Variants in KCTD12 observed in about 807,000 individuals in gnomAD.
The protein encoded by KCTD12 is potassium channel tetramerization domain containing 12, also known as BTB/POZ domain-containing protein KCTD12.
In KCTD12, 16 loss-of-function variants were observed where a neutral mutation model predicts 22.6. That is an observed-to-expected ratio of 0.71 (90% CI 0.48 to 1.07). The LOEUF (loss-of-function observed/expected upper bound fraction) is 1.07. Ranked by LOEUF, KCTD12 falls within the 50% of genes least tolerant of loss-of-function variation. KCTD12 has a pLI of 0.00. For missense variants in KCTD12, 452 were observed against 469.2 expected (o/e 0.96, Z 0.34); for synonymous variants, 260 against 228.0 (o/e 1.14, Z -1.26).
At position 76,884,935 on chromosome 13, in the gene KCTD12, T is replaced by C. The variant is rs181315156; in HGVS notation, c.*236A>G. ...GTGGTAGGTGGGGGTGGGGTGGGGG[T>C]TCCTCTGGGTTCTCTCGGTTCAGGA... is the stretch of plus-strand genomic sequence containing the variant. On this transcript the variant is annotated 3_prime_UTR_variant, in exon 1 of 1. Coordinates refer to ENST00000377474, the MANE Select transcript of KCTD12 (RefSeq NM_138444.4). 2 of 492,694 alleles carry C rather than the reference T, an allele frequency of 4.1e-6. No individual in the cohort carries two copies. Among genetic ancestry groups the C allele is most frequent in the East Asian group, 6.8e-5 (2 of 29,598 alleles). 30.5% of individuals were successfully genotyped at this position (492,694 alleles called of 1,614,324 possible).
In KCTD12 at chr13:76,885,231, G is replaced by A. The variant is rs1416790194; in HGVS notation, c.918C>T (p.Thr306=). ...STGTCAFASS[T]DQSEDKIWTS... is the part of the protein sequence containing the mutation. ...TCCAGATCTTGTCCTCGCTCTGGTC[G>A]GTGCTGCTGGCAAAGGCGCAGGTGC... Residue 306 remains threonine (T), a synonymous_variant, in exon 1 of 1, where the codon ACC becomes ACT. Transcript: ENST00000377474. The surrounding 1 kb of genome is among the most constrained non-coding windows in gnomAD (Gnocchi z 5.1). 1.9e-6 allele frequency: 3 copies of A among 1,614,058 alleles called. No homozygotes were observed. The highest frequency in any genetic ancestry group is 1.1e-5 in the South Asian group (1 of 91,062).
chr13:76,886,338 C>T lies in KCTD12; in HGVS notation c.-190G>A, dbSNP rs934709657. 5.6e-6 allele frequency: 3 copies of T among 536,758 alleles called. No individual in the cohort carries two copies. Among genetic ancestry groups the T allele is most frequent in the African/African-American group, 4.0e-5 (2 of 49,492 alleles). 33.2% of individuals were successfully genotyped at this position (536,758 alleles called of 1,614,324 possible). On this transcript the variant is annotated 5_prime_UTR_variant, in exon 1 of 1. Transcript: ENST00000377474. ...GCCGCGCGGAGCCGAGCGGTGCGAG[C>T]GCGCCGCTGTGCGCCCCCTTGAGTT...
chr13:76,885,270 C>A lies in KCTD12; in HGVS notation c.879G>T (p.Ala293=). The A allele has an allele frequency of 1.2e-6, 2 of 1,614,044 alleles. No individual in the cohort carries two copies. Among genetic ancestry groups the A allele is most frequent in the African/African-American group, 1.3e-5 (1 of 75,034 alleles). Residue 293 remains alanine, a synonymous_variant, in exon 1 of 1, where the codon GCG becomes GCT. Coordinates refer to ENST00000377474, the MANE Select transcript of KCTD12 (RefSeq NM_138444.4). The surrounding 1 kb of genome is among the most constrained non-coding windows in gnomAD (Gnocchi z 5.1). ...KLSESGFHMV[A]CSSTGTCAFA... is the part of the protein sequence containing the mutation. The stretch of plus-strand genomic sequence containing the variant: ...AGGCGCAGGTGCCCGTGGAGCTGCA[C>A]GCCACCATGTGGAAGCCCGACTCGG...
chr13:76,885,457 C>T lies in KCTD12; in HGVS notation c.692G>A (p.Arg231Gln). The T allele has an allele frequency of 6.2e-7, 1 of 1,610,572 alleles. No individual in the cohort carries two copies. Among genetic ancestry groups the T allele is most frequent in the Non-Finnish European group, 8.5e-7 (1 of 1,179,824 alleles). ...GCAAACGGTGATGCGCGCCACTCGC[C>T]GGAACTTGGCGTCCGCCTGCGCGTC... is the stretch of plus-strand genomic sequence containing the variant. ...GRDAQADAKF[R>Q]RVARITVCGK... Residue 231 changes from arginine (R) to glutamine (Q), a missense_variant, in exon 1 of 1, where the codon CGG becomes CAG. By Grantham distance (43) the Arg-to-Gln change is conservative. Coordinates refer to ENST00000377474, the MANE Select transcript of KCTD12 (RefSeq NM_138444.4). The surrounding 1 kb of genome is among the most constrained non-coding windows in gnomAD (Gnocchi z 5.1).
At position 76,886,258 on chromosome 13, in the gene KCTD12, CCCGCCG is replaced by C. The variant is rs879633611; in HGVS notation, c.-116_-111del. ...CCCGGACGCTCGCTCAGCCCTGCGCCCCGCCGCCGCCGCCGCCGCCACCGCCGCCAC... is the reference window on the plus strand; with the variant it reads ...CCCGGACGCTCGCTCAGCCCTGCGCCCCGCCGCCGCCGCCACCGCCGCCAC... On this transcript the variant is annotated 5_prime_UTR_variant, in exon 1 of 1. Coordinates refer to ENST00000377474, the MANE Select transcript of KCTD12 (RefSeq NM_138444.4). 0.017 allele frequency: 20,332 copies of C among 1,215,656 alleles called. 390 individuals carry two copies. The highest frequency in any genetic ancestry group is 0.085 in the African/African-American group (5,023 of 59,442). The allele number at this position is 1,215,656 out of a possible 1,614,324, so 75.3% of individuals were successfully genotyped here. A position where few individuals can be genotyped will look rare whatever the true frequency, so the allele number is the denominator to read the frequency against.
rs1305757122 is a variant in KCTD12 at position 76,881,154 on chromosome 13, A to C, written c.*4017T>G. The C allele has an allele frequency of 6.6e-6, 1 of 152,208 alleles. No homozygotes were observed. The highest frequency in any genetic ancestry group is 1.9e-4 in the East Asian group (1 of 5,194). 9.4% of individuals were successfully genotyped at this position (152,208 alleles called of 1,614,324 possible). A position where few individuals can be genotyped will look rare whatever the true frequency, so the allele number is the denominator to read the frequency against. On this transcript the variant is annotated 3_prime_UTR_variant, in exon 1 of 1. Coordinates refer to ENST00000377474, the MANE Select transcript of KCTD12 (RefSeq NM_138444.4). ...ATCTAAGAAAATGAATTCAGTTTTT[A>C]AATGATTTATAGTAAGGAAAAACAG... is the stretch of plus-strand genomic sequence containing the variant.
chr13:76,881,001 AAAACTGTTGAC>A lies in KCTD12; in HGVS notation c.*4159_*4169del, dbSNP rs779620967. 1.8e-4 allele frequency: 27 copies of A among 152,172 alleles called. No homozygotes were observed. The highest frequency in any genetic ancestry group is 2.9e-4 in the Non-Finnish European group (20 of 68,008). 9.4% of individuals were successfully genotyped at this position (152,172 alleles called of 1,614,324 possible). Reference sequence around the variant, plus strand: ...TAATACTTTCAGATTTTTATTGTCCAAAACTGTTGACAAAGAAAAGCTAACTTCAACATAAC... The same window carrying A: ...TAATACTTTCAGATTTTTATTGTCCAAAAGAAAAGCTAACTTCAACATAAC... On this transcript the variant is annotated 3_prime_UTR_variant, in exon 1 of 1. Coordinates refer to ENST00000377474, the MANE Select transcript of KCTD12 (RefSeq NM_138444.4).
chr13:76,885,486 C>T lies in KCTD12; in HGVS notation c.663G>A (p.Gly221=), dbSNP rs375243364. The part of the protein sequence containing the change: ...TIGYRGSYTI[G]RDAQADAKFR... ...ACTTGGCGTCCGCCTGCGCGTCCCG[C>T]CCGATGGTGTAGGAGCCGCGGTAGC... Residue 221 remains glycine (G), a synonymous_variant, in exon 1 of 1, where the codon GGG becomes GGA. Transcript: ENST00000377474. The surrounding 1 kb of genome is among the most constrained non-coding windows in gnomAD (Gnocchi z 5.1). The T allele has an allele frequency of 3.9e-5, 63 of 1,607,122 alleles. No individual in the cohort carries two copies. The highest frequency in any genetic ancestry group is 4.9e-5 in the Non-Finnish European group (58 of 1,178,998).
At position 76,884,033 on chromosome 13, in the gene KCTD12, T is replaced by C. The variant is rs1175134135; in HGVS notation, c.*1138A>G. The C allele has an allele frequency of 6.6e-6, 1 of 152,648 alleles. No individual in the cohort carries two copies. The highest frequency in any genetic ancestry group is 1.5e-5 in the Non-Finnish European group (1 of 68,048). 9.5% of individuals were successfully genotyped at this position (152,648 alleles called of 1,614,324 possible). Reference sequence around the variant, plus strand: ...ATTAATCTTTATAAAATACTTGGCATGTTTGCATTTACTATATGATATTTT... The same window carrying C: ...ATTAATCTTTATAAAATACTTGGCACGTTTGCATTTACTATATGATATTTT... On this transcript the variant is annotated 3_prime_UTR_variant, in exon 1 of 1. Transcript: ENST00000377474.
rs2033199123 is a variant in KCTD12 at position 76,881,218 on chromosome 13, T to C, written c.*3953A>G. 1 of 152,172 alleles carries C rather than the reference T, an allele frequency of 6.6e-6. No homozygotes were observed. Among genetic ancestry groups the C allele is most frequent in the African/African-American group, 2.4e-5 (1 of 41,458 alleles). 9.4% of individuals were successfully genotyped at this position (152,172 alleles called of 1,614,324 possible). A position where few individuals can be genotyped will look rare whatever the true frequency, so the allele number is the denominator to read the frequency against. ...AACGAAGGATTGACTCTGATAGGCT[T>C]ACAACAAAAATATTCAGTTTACTAT... is the stretch of plus-strand genomic sequence containing the variant. On this transcript the variant is annotated 3_prime_UTR_variant, in exon 1 of 1. Coordinates refer to ENST00000377474, the MANE Select transcript of KCTD12 (RefSeq NM_138444.4).
Position 76,885,808 on chromosome 13 carries a change from TGCAGCCGGCTGC to T in KCTD12, c.329_340del (p.Arg110_Leu113del). On this transcript the variant is annotated inframe_deletion, in exon 1 of 1. Transcript: ENST00000377474. The surrounding 1 kb of genome is among the most constrained non-coding windows in gnomAD (Gnocchi z 5.1). ...CAGCTCGAAGTACTCGGCCTCGCGC[TGCAGCCGGCTGC>T]GCTCGGGGAAGTAGTCGGGCAGCAC... 6.3e-7 allele frequency: 1 copy of T among 1,593,346 alleles called. No homozygotes were observed. The highest frequency in any genetic ancestry group is 8.5e-7 in the Non-Finnish European group (1 of 1,178,008).
Position 76,884,953 on chromosome 13 carries a change from G to C in KCTD12, c.*218C>G. On this transcript the variant is annotated 3_prime_UTR_variant, in exon 1 of 1. Transcript: ENST00000377474. ...GTGGGGGTTCCTCTGGGTTCTCTCGGTTCAGGAGGTCCAAAGAAGACGAAG... is the reference window on the plus strand; with the variant it reads ...GTGGGGGTTCCTCTGGGTTCTCTCGCTTCAGGAGGTCCAAAGAAGACGAAG... The C allele has an allele frequency of 3.5e-6, 2 of 566,510 alleles. No homozygotes were observed. The highest frequency in any genetic ancestry group is 4.5e-5 in the South Asian group (2 of 44,378). 35.1% of individuals were successfully genotyped at this position (566,510 alleles called of 1,614,324 possible).
chr13:76,882,616 C>G lies in KCTD12; in HGVS notation c.*2555G>C, dbSNP rs2033216293. ...CCAAGATGTTCTCAATCATGTGCTT[C>G]CTGTTGAACAATCTAACAAAATACC... On this transcript the variant is annotated 3_prime_UTR_variant, in exon 1 of 1. Coordinates refer to ENST00000377474, the MANE Select transcript of KCTD12 (RefSeq NM_138444.4). 6.6e-6 allele frequency: 1 copy of G among 152,188 alleles called. No homozygotes were observed. Among genetic ancestry groups the G allele is most frequent in the Admixed American group, 6.5e-5 (1 of 15,288 alleles). The allele number at this position is 152,188 out of a possible 1,614,324, so 9.4% of individuals were successfully genotyped here.
Position 76,885,731 on chromosome 13 carries a change from G to A in KCTD12, c.418C>T (p.Pro140Ser). ...TTGTGCACCCCGCGCCGCGAGGGCG[G>A]CGGCCCCGGGCCGGGCTGCTGGGGC... is the stretch of plus-strand genomic sequence containing the variant. Reference protein sequence around the residue: ...GAPQQPGPGPPPSRRGVHKEG... With the variant: ...GAPQQPGPGPSPSRRGVHKEG... The change falls in exon 1 of 1, where the codon CCG becomes TCG. Residue 140 changes from proline to serine, a missense_variant. By Grantham distance (74) the Pro-to-Ser change is moderately conservative. Transcript: ENST00000377474. The surrounding 1 kb of genome is among the most constrained non-coding windows in gnomAD (Gnocchi z 5.1). 7.1e-7 allele frequency: 1 copy of A among 1,408,482 alleles called. No homozygotes were observed. Among genetic ancestry groups the A allele is most frequent in the Non-Finnish European group, 9.1e-7 (1 of 1,095,390 alleles). The allele number at this position is 1,408,482 out of a possible 1,614,324, so 87.2% of individuals were successfully genotyped here. A position where few individuals can be genotyped will look rare whatever the true frequency, so the allele number is the denominator to read the frequency against.
Position 76,880,570 on chromosome 13 carries a change from G to A in KCTD12, c.*4601C>T, listed in dbSNP as rs1034098488. On this transcript the variant is annotated 3_prime_UTR_variant, in exon 1 of 1. Coordinates refer to ENST00000377474, the MANE Select transcript of KCTD12 (RefSeq NM_138444.4). ...GAATCTTACATTGTCTAGCAGATAA[G>A]GTTTTCAGATGCCTGGAAAAATTTA... 3 of 152,466 alleles carry A rather than the reference G, an allele frequency of 2.0e-5. No homozygotes were observed. The highest frequency in any genetic ancestry group is 7.2e-5 in the African/African-American group (3 of 41,416). 9.4% of individuals were successfully genotyped at this position (152,466 alleles called of 1,614,324 possible).
At position 76,884,500 on chromosome 13, in the gene KCTD12, A is replaced by G. The variant is rs2033239097; in HGVS notation, c.*671T>C. ...CTGAGACCTTTTATTCTGTACGAGA[A>G]AGGATCCTTTACTGTCCCACGCACT... On this transcript the variant is annotated 3_prime_UTR_variant, in exon 1 of 1. Transcript: ENST00000377474. 6.6e-6 allele frequency: 1 copy of G among 152,196 alleles called. No homozygotes were observed. 9.4% of individuals were successfully genotyped at this position (152,196 alleles called of 1,614,324 possible). A position where few individuals can be genotyped will look rare whatever the true frequency, so the allele number is the denominator to read the frequency against.
rs2033207643 is a variant in KCTD12 at position 76,881,844 on chromosome 13, T to TGGTACCTGG, written c.*3326_*3327insCCAGGTACC. 3 of 151,974 alleles carry TGGTACCTGG rather than the reference T, an allele frequency of 2.0e-5. No homozygotes were observed. In the South Asian group the frequency reaches 6.2e-4, roughly 32 times the overall value. The allele number at this position is 151,974 out of a possible 1,614,324, so 9.4% of individuals were successfully genotyped here. The stretch of plus-strand genomic sequence containing the variant: ...CACAGAACCTGGTACCTGTTTTTTT[T>TGGTACCTGG]TTTTTTTTAACCACCATTGTCTACA... On this transcript the variant is annotated 3_prime_UTR_variant, in exon 1 of 1. Transcript: ENST00000377474.
At position 76,881,069 on chromosome 13, in the gene KCTD12, G is replaced by A. The variant is rs992684953; in HGVS notation, c.*4102C>T. 2 of 152,084 alleles carry A rather than the reference G, an allele frequency of 1.3e-5. No individual in the cohort carries two copies. Among genetic ancestry groups the A allele is most frequent in the Non-Finnish European group, 2.9e-5 (2 of 67,970 alleles). 9.4% of individuals were successfully genotyped at this position (152,084 alleles called of 1,614,324 possible). A position where few individuals can be genotyped will look rare whatever the true frequency, so the allele number is the denominator to read the frequency against. On this transcript the variant is annotated 3_prime_UTR_variant, in exon 1 of 1. Coordinates refer to ENST00000377474, the MANE Select transcript of KCTD12 (RefSeq NM_138444.4). ...CTGGCTATACAAAGACCTATTTCAG[G>A]TGCTACAGATACTGAAAATAGGAGT...
In KCTD12 at chr13:76,880,704, T is replaced by C. The variant is rs2033193675; in HGVS notation, c.*4467A>G. ...TGAGTGGTCATAAATGAATTGTCATTTGTATTCAATAGTAATAGCAAAATT... is the reference window on the plus strand; with the variant it reads ...TGAGTGGTCATAAATGAATTGTCATCTGTATTCAATAGTAATAGCAAAATT... On this transcript the variant is annotated 3_prime_UTR_variant, in exon 1 of 1. Coordinates refer to ENST00000377474, the MANE Select transcript of KCTD12 (RefSeq NM_138444.4). 1 of 152,656 alleles carries C rather than the reference T, an allele frequency of 6.6e-6. No individual in the cohort carries two copies. Among genetic ancestry groups the C allele is most frequent in the Admixed American group, 6.5e-5 (1 of 15,288 alleles). 9.5% of individuals were successfully genotyped at this position (152,656 alleles called of 1,614,324 possible).
Sources: allele counts gnomAD v4.1 joint callset, GRCh38; gene constraint gnomAD v4.1.1; non-coding constraint Gnocchi (gnomAD v3.1); transcripts MANE v1.5; gene names NCBI Gene and HGNC (gene_info 2026-07-23, HGNC 2026-07-21).